The following PCSK5 variants were observed in gnomAD, a reference collection of about 807,000 sequenced individuals.
PCSK5 encodes the protein prohormone convertase 5.
PCSK5 carries 129 observed loss-of-function variants against 233.2 expected under a neutral mutation model. The ratio of observed to expected loss-of-function variants is 0.55; its 90% CI spans 0.48 to 0.64. The LOEUF is 0.64. PCSK5 is among the 30% of genes least tolerant of loss of function. The pLI, the probability that PCSK5 is intolerant of heterozygous loss-of-function variation, is 0.00. For synonymous variants in PCSK5, 825 were observed against 879.2 expected (o/e 0.94, Z 1.09); for missense variants, 2,076 against 2,430.1 (o/e 0.85, Z 3.06).
intron 1 of PCSK5, among the ~76,000 whole-genome samples, 158 bp downstream of exon 1, chr9:75,891,531 G>GCATACACA (rs1041503041): frequency 5.4e-5 from 8 of 148,794 alleles, no homozygotes; most frequent in East Asian, 4.2e-4. Context: ...GCGCGCGTAC[G>GCATACACA]CACACACACA....
intron 3 of PCSK5, among the ~76,000 whole-genome samples, chr9:76,019,664 T>G (rs1332252275): frequency 6.6e-6 from 1 of 152,190 alleles, no homozygotes; most frequent in Non-Finnish European, 1.5e-5. Context: ...TAAACTGTCT[T>G]TCATTGAGCT....
chr9:76,040,325 G>GTCTCTCTCTCTCTC (rs757550088), intron 5 of PCSK5, among the ~76,000 whole-genome samples: 11 of 79,040 alleles, frequency 1.4e-4, no homozygotes, highest in Admixed American at 1.7e-4. Context: ...TGTGTTCTCT[G>GTCTCTCTCTCTCTC]TCTCTCTCTC....
chr9:75,962,581 C>G (rs79881513), intron 2 of PCSK5, among the ~76,000 whole-genome samples: 9 of 152,184 alleles, frequency 5.9e-5, no homozygotes, highest in Non-Finnish European at 1.2e-4. Context: ...GAGTGTGTGC[C>G]TGGCTCCACT....
At chr9:76,346,540 C>T (rs1234531026) in intron 35 of PCSK5, among the ~76,000 whole-genome samples, 1 of 152,032 alleles carries the variant, frequency 6.6e-6, no homozygotes. Flanking sequence ...CTTTGGTGCT[C>T]ATTTTTTCTG....
chr9:75,891,090 C>T lies in PCSK5; in HGVS notation c.-92C>T, dbSNP rs1447773252. 3 of 1,045,518 alleles carry T rather than the reference C, an allele frequency of 2.9e-6. No individual in the cohort carries two copies. Among genetic ancestry groups the T allele is most frequent in the Non-Finnish European group, 3.8e-6 (3 of 793,552 alleles). The allele number at this position is 1,045,518 out of a possible 1,614,324, so 64.8% of individuals were successfully genotyped here. A position where few individuals can be genotyped will look rare whatever the true frequency, so the allele number is the denominator to read the frequency against. On this transcript the variant is annotated 5_prime_UTR_variant, in exon 1 of 38. Transcript: ENST00000674117. Reference sequence around the variant, plus strand: ...CGAGCTGCGGCGGCCCGGGGCTGCTCGCCGGGCGGCGCAGGCCGGAGAAGT... The same window carrying T: ...CGAGCTGCGGCGGCCCGGGGCTGCTTGCCGGGCGGCGCAGGCCGGAGAAGT...
At chr9:76,111,654 GAT>G (rs1457294575) in intron 9 of PCSK5, among the ~76,000 whole-genome samples, 2 of 151,920 alleles carry the variant, frequency 1.3e-5, no homozygotes, top group Non-Finnish European at 2.9e-5. Flanking sequence ...GTGATTATAG[GAT>G]ATCATTTGGG....
At chr9:75,935,732 A>G (rs1471246401) in intron 2 of PCSK5, among the ~76,000 whole-genome samples, 1 of 152,118 alleles carries the variant, frequency 6.6e-6, no homozygotes, top group African/African-American at 2.4e-5. Context: ...ATTTTGTAGA[A>G]TATTTCTCAA....
intron 8 of PCSK5, among the ~76,000 whole-genome samples, chr9:76,105,380 G>C (rs935418447): frequency 6.6e-6 from 1 of 152,308 alleles, no homozygotes; most frequent in Admixed American, 6.5e-5. Flanking sequence ...GGGGCAAGGG[G>C]AGGGAGAGTG....
intron 31 of PCSK5, 75 bp from the exon 32 acceptor site, chr9:76,322,977 A>C: frequency 6.4e-6 from 5 of 779,594 alleles, no homozygotes; most frequent in Non-Finnish European, 1.1e-5. Flanking sequence ...CTGAGGGAGG[A>C]GCTAGCCTAC....
chr9:76,260,621 C>T (rs186508621), intron 24 of PCSK5, among the ~76,000 whole-genome samples: 22 of 152,236 alleles, frequency 1.4e-4, no homozygotes, highest in Admixed American at 3.9e-4. Context: ...CCTACAACTG[C>T]AAAGAACCGA....
At chr9:76,148,740 C>T (rs1823552597) in intron 10 of PCSK5, among the ~76,000 whole-genome samples, 1 of 152,188 alleles carries the variant, frequency 6.6e-6, no homozygotes. Context: ...TTCACCATTT[C>T]CATAACCTGG....
At chr9:75,894,393 AGATGG>A (rs1489167907) in intron 1 of PCSK5, among the ~76,000 whole-genome samples, 1 of 152,220 alleles carries the variant, frequency 6.6e-6, no homozygotes, top group Non-Finnish European at 1.5e-5. Context: ...GTTAAAAAAA[AGATGG>A]GATGTGCAGA....
intron 20 of PCSK5, among the ~76,000 whole-genome samples, chr9:76,214,112 T>C (rs1587766395): frequency 6.6e-6 from 1 of 152,166 alleles, no homozygotes; most frequent in Non-Finnish European, 1.5e-5. Flanking sequence ...GAACACTTGA[T>C]TCTACATTGG....
rs12380651 is a variant in PCSK5, at chr9:76,310,374, A to T, written c.3689-282A>T. 6.3e-3 allele frequency among the ~76,000 whole-genome samples: 952 copies of T among 152,186 alleles called. 4 individuals are homozygous for T. Among genetic ancestry groups the T allele is most frequent in the Non-Finnish European group, 0.01 (712 of 68,020 alleles). Reference sequence around the variant, plus strand: ...TGCCTTACACCAGGAAGACATAGAGAGTGTGTTAATAAGACTGATCAACTG... The same window carrying T: ...TGCCTTACACCAGGAAGACATAGAGTGTGTGTTAATAAGACTGATCAACTG... On this transcript the variant is annotated intron_variant, in intron 29 of 37. Transcript: ENST00000674117.
At chr9:75,969,147 C>T (rs957239162) in intron 2 of PCSK5, among the ~76,000 whole-genome samples, 1 of 152,102 alleles carries the variant, frequency 6.6e-6, no homozygotes, top group Non-Finnish European at 1.5e-5. Context: ...TGGTTACAAA[C>T]GACAATGAAT....
At chr9:76,113,676 G>A (rs1394854314) in intron 9 of PCSK5, among the ~76,000 whole-genome samples, 1 of 152,122 alleles carries the variant, frequency 6.6e-6, no homozygotes, top group East Asian at 1.9e-4. Context: ...CACTGTTAAG[G>A]GAGGCCACAT....
At chr9:75,910,665 A>G (rs1822686485) in intron 1 of PCSK5, among the ~76,000 whole-genome samples, 1 of 151,838 alleles carries the variant, frequency 6.6e-6, no homozygotes. Context: ...TGAAAATAGC[A>G]TGTTAATTTT....
chr9:76,288,930 T>C (rs1179110388), intron 24 of PCSK5, among the ~76,000 whole-genome samples: 1 of 152,190 alleles, frequency 6.6e-6, no homozygotes, highest in Non-Finnish European at 1.5e-5. Context: ...GTGAAGGTGA[T>C]CGTTATTACT....
At chr9:75,977,872 A>G (rs1826097266) in intron 2 of PCSK5, among the ~76,000 whole-genome samples, 1 of 151,984 alleles carries the variant, frequency 6.6e-6, no homozygotes, top group Non-Finnish European at 1.5e-5. Flanking sequence ...CAGCCTCCCA[A>G]AGTGCCGGGA....
Sources: gnomAD v4.1 joint callset for allele counts (sites outside exome capture counted in the v4.1 genomes callset) on GRCh38, gnomAD v4.1.1 for gene constraint, MANE v1.5 for transcripts, NCBI Gene and HGNC (gene_info 2026-07-23, HGNC 2026-07-21) for gene names.